ADGRL3: variants seen among roughly 807,000 people sequenced by gnomAD.
The protein encoded by ADGRL3 is calcium-independent alpha-latrotoxin receptor 3.
Under a neutral mutation model 153.5 loss-of-function variants are expected in ADGRL3, and 62 were observed. The ratio of observed to expected loss-of-function variants is 0.40; its 90% CI spans 0.33 to 0.50. The LOEUF is 0.50. ADGRL3 is among the 20% of genes least tolerant of loss of function. The pLI, the probability that ADGRL3 is intolerant of heterozygous loss-of-function variation, is 0.47. For missense variants in ADGRL3, 1,641 were observed against 1,859.4 expected (o/e 0.88, Z 2.16); for synonymous variants, 710 against 672.5 (o/e 1.06, Z -0.86).
At chr4:61,955,988 A>C (rs2150402197) in intron 17 of ADGRL3, among the ~76,000 whole-genome samples, 1 of 152,340 alleles carries the variant, frequency 6.6e-6, no homozygotes, top group South Asian at 2.1e-4. Flanking sequence ...ATAGTGCTTC[A>C]GTAAACATGC....
intron 9 of ADGRL3, among the ~76,000 whole-genome samples, chr4:61,818,868 G>A (rs994763469): frequency 4.6e-5 from 7 of 151,896 alleles, no homozygotes; most frequent in Non-Finnish European, 8.8e-5. Context: ...ACCCTGCCCT[G>A]CAATTTTCAA....
Position 62,006,003 on chromosome 4 carries a change from C to CACACACACATAT in ADGRL3, c.3395+7739_3395+7740insCACACACATATA, listed in dbSNP as rs1230956055. Among the ~76,000 whole-genome samples the CACACACACATAT allele has an allele frequency of 3.0e-3, 147 of 48,956 alleles. 1 individual carries two copies. Among genetic ancestry groups the CACACACACATAT allele is most frequent in the East Asian group, 0.013 (14 of 1,112 alleles). The allele number at this position is 48,956 out of a possible 152,430, so 32.1% of individuals were successfully genotyped here. On this transcript the variant is annotated intron_variant, in intron 21 of 26. Transcript: ENST00000683033. The stretch of plus-strand genomic sequence containing the variant: ...ACACACACACACACACACACACACA[C>CACACACACATAT]ATATATATATATATATATATATATA...
chr4:61,952,492 AAAC>A (rs1014713798), intron 17 of ADGRL3, among the ~76,000 whole-genome samples: 10 of 152,040 alleles, frequency 6.6e-5, no homozygotes, highest in African/African-American at 2.4e-4. Context: ...AAAAAAAAAA[AAAC>A]AATTTCATCC....
At chr4:61,946,786 A>G (rs758029489) in intron 15 of ADGRL3, 128 bp from the exon 16 acceptor site, 1 of 725,886 alleles carries the variant, frequency 1.4e-6, no homozygotes, top group Non-Finnish European at 2.4e-6. Context: ...ATGACTTGGT[A>G]CTTTGGTTGA....
chr4:61,782,768 A>C (rs1274272421), intron 8 of ADGRL3, among the ~76,000 whole-genome samples: 1 of 152,200 alleles, frequency 6.6e-6, no homozygotes, highest in Non-Finnish European at 1.5e-5. Flanking sequence ...AGACTCTGCC[A>C]GTAAAGCAGT....
chr4:61,864,307 C>A (rs949044248), intron 9 of ADGRL3, among the ~76,000 whole-genome samples: 2 of 151,846 alleles, frequency 1.3e-5, no homozygotes, highest in African/African-American at 4.9e-5. Flanking sequence ...AAAATAACTT[C>A]TCTAAGTCAA....
intron 9 of ADGRL3, among the ~76,000 whole-genome samples, chr4:61,846,999 T>A (rs2149079858): frequency 6.6e-6 from 1 of 151,610 alleles, no homozygotes; most frequent in South Asian, 2.1e-4. Flanking sequence ...TATATATATA[T>A]ATTAGAGGGG....
intron 9 of ADGRL3, among the ~76,000 whole-genome samples, chr4:61,885,329 A>G (rs2098532268): frequency 6.6e-6 from 1 of 152,146 alleles, no homozygotes; most frequent in African/African-American, 2.4e-5. Flanking sequence ...ACTCCTTCTC[A>G]GAAAATAAAA....
chr4:61,364,997 A>G (rs1386226500), intron 1 of ADGRL3, among the ~76,000 whole-genome samples: 2 of 152,194 alleles, frequency 1.3e-5, no homozygotes, highest in East Asian at 3.9e-4. Context: ...TTCTAGAGGG[A>G]TCATTAAATA....
Position 61,848,374 on chromosome 4 carries a change from C to A in ADGRL3, c.1480+34485C>A, listed in dbSNP as rs551783183. ...CTTTACCTCTTCCAGTGTCTTGTAA[C>A]CCCAAGAAGTCCTTGCTTGTGACAA... On this transcript the variant is annotated intron_variant, in intron 9 of 26. Coordinates refer to ENST00000683033, the MANE Select transcript of ADGRL3 (RefSeq NM_001387552.1). 5.9e-5 allele frequency among the ~76,000 whole-genome samples: 9 copies of A among 151,332 alleles called. No homozygotes were observed. In the East Asian group the frequency reaches 1.8e-3, roughly 30 times the overall value.
At chr4:61,477,952 C>A (rs1287687131) in intron 2 of ADGRL3, among the ~76,000 whole-genome samples, 4 of 151,874 alleles carry the variant, frequency 2.6e-5, no homozygotes, top group African/African-American at 7.2e-5. Context: ...TAAGAGTTTT[C>A]ATTAGTTCTG....
chr4:61,709,023 T>C (rs1224231811), intron 6 of ADGRL3, among the ~76,000 whole-genome samples: 1 of 152,008 alleles, frequency 6.6e-6, no homozygotes, highest in African/African-American at 2.4e-5. Context: ...TTGGCCAGGC[T>C]GGTCTCGACT....
At chr4:61,237,411 T>G (rs1753255076) in intron 1 of ADGRL3, among the ~76,000 whole-genome samples, 1 of 152,176 alleles carries the variant, frequency 6.6e-6, no homozygotes, top group African/African-American at 2.4e-5. Context: ...TGAGAAGATT[T>G]CTGTTAGTCC....
At chr4:61,725,693 A>G (rs775732235) in intron 6 of ADGRL3, among the ~76,000 whole-genome samples, 8 of 151,898 alleles carry the variant, frequency 5.3e-5, no homozygotes, top group Non-Finnish European at 1.2e-4. Flanking sequence ...TACCAGATAT[A>G]GTGCCTACCC....
intron 2 of ADGRL3, among the ~76,000 whole-genome samples, chr4:61,428,380 G>A (rs2097308082): frequency 6.6e-6 from 1 of 152,166 alleles, no homozygotes; most frequent in African/African-American, 2.4e-5. Context: ...TGCTATGCCA[G>A]ATGTTTACCT....
intron 9 of ADGRL3, among the ~76,000 whole-genome samples, chr4:61,848,395 G>A (rs2098162906): frequency 1.3e-5 from 2 of 151,362 alleles, no homozygotes; most frequent in South Asian, 2.1e-4. Flanking sequence ...CCTTGCTTGT[G>A]ACAACATAAC....
intron 6 of ADGRL3, among the ~76,000 whole-genome samples, chr4:61,690,427 C>T (rs189360895): frequency 2.0e-5 from 3 of 151,770 alleles, no homozygotes; most frequent in African/African-American, 7.2e-5. Flanking sequence ...AGAGCAAGAC[C>T]CTGTCTCATT....
At chr4:61,335,090 G>C (rs2095649625) in intron 1 of ADGRL3, among the ~76,000 whole-genome samples, 1 of 151,932 alleles carries the variant, frequency 6.6e-6, no homozygotes, top group Non-Finnish European at 1.5e-5. Flanking sequence ...TTTTTGGAAG[G>C]GGTTGCTTAA....
intron 17 of ADGRL3, among the ~76,000 whole-genome samples, chr4:61,955,923 A>T (rs1450909505): frequency 6.6e-6 from 1 of 151,950 alleles, no homozygotes; most frequent in East Asian, 1.9e-4. Context: ...CATTTTTTTT[A>T]TCCAGTCTAT....
Sources: allele counts gnomAD v4.1 joint callset (sites outside exome capture counted in the v4.1 genomes callset), GRCh38; gene constraint gnomAD v4.1.1; transcripts MANE v1.5; gene names NCBI Gene and HGNC (gene_info 2026-07-23, HGNC 2026-07-21).